The following MRPL48 variants were observed in gnomAD, a reference collection of about 807,000 sequenced individuals.
MRPL48 encodes the protein mitochondrial ribosomal protein L48.
MRPL48 carries 16 observed loss-of-function variants against 32.9 expected under a neutral mutation model. That is an observed-to-expected ratio of 0.49 (90% CI 0.33 to 0.74). The LOEUF (loss-of-function observed/expected upper bound fraction) is 0.74, where lower values mean the gene tolerates loss of function less well. MRPL48 is among the 30% of genes least tolerant of loss of function. The pLI is 0.02. For missense variants in MRPL48, 206 were observed against 245.3 expected, an observed-to-expected ratio of 0.84 and a Z score of 1.07; for synonymous variants, 94 against 89.2, an observed-to-expected ratio of 1.05 and a Z score of -0.31.
At position 73,829,954 on chromosome 11, in the gene MRPL48, G is replaced by T. The variant is rs947447055; in HGVS notation, c.201+4158G>T. On this transcript the variant is annotated intron_variant, in intron 4 of 7. Transcript: ENST00000310614. ...TCATTATATTTTTGTAGAGATGGGG[G>T]TCTCGCCATGTTACCCAGGCTGGTC... 6.6e-5 allele frequency among the ~76,000 whole-genome samples: 10 copies of T among 152,054 alleles called. No homozygotes were observed. The South Asian group carries it at 1.5e-3, about 22-fold the overall frequency.
intron 7 of MRPL48, 139 bp downstream of exon 7, chr11:73,863,400 C>A: frequency 1.4e-6 from 1 of 739,666 alleles, no homozygotes; most frequent in Non-Finnish European, 2.2e-6. Flanking sequence ...AAAAGTTGTA[C>A]ACTCTGATGA....
intron 5 of MRPL48, among the ~76,000 whole-genome samples, chr11:73,858,615 G>C (rs540063089): frequency 1.8e-4 from 27 of 152,256 alleles, no homozygotes; most frequent in Non-Finnish European, 3.1e-4. Flanking sequence ...ACCTATAGAG[G>C]GCCATGCCCC....
chr11:73,850,510 C>T (rs1948369427), intron 5 of MRPL48: 3 of 351,136 alleles, frequency 8.5e-6, no homozygotes, highest in South Asian at 6.9e-5. Flanking sequence ...GTTTATTAAA[C>T]ACCTTCCAGC....
intron 4 of MRPL48, among the ~76,000 whole-genome samples, chr11:73,826,113 C>T (rs1003725956): frequency 6.6e-6 from 1 of 151,532 alleles, no homozygotes; most frequent in Admixed American, 6.6e-5. Flanking sequence ...ATCTCCTGGG[C>T]TCAAGTGATC....
chr11:73,851,602 G>A (rs946206898), intron 5 of MRPL48, among the ~76,000 whole-genome samples: 1 of 152,074 alleles, frequency 6.6e-6, no homozygotes, highest in Non-Finnish European at 1.5e-5. Flanking sequence ...CTCTGGGCTC[G>A]AATGATCTAT....
At chr11:73,806,902 C>A (rs1015006873) in intron 2 of MRPL48, among the ~76,000 whole-genome samples, 1 of 151,682 alleles carries the variant, frequency 6.6e-6, no homozygotes, top group African/African-American at 2.4e-5. Context: ...GAGACAGAAT[C>A]TCTTTCACCC....
At chr11:73,829,655 C>G (rs1947958083) in intron 4 of MRPL48, among the ~76,000 whole-genome samples, 1 of 152,236 alleles carries the variant, frequency 6.6e-6, no homozygotes, top group Non-Finnish European at 1.5e-5. Flanking sequence ...TGGTGGGAAC[C>G]ACCATGCCCA....
At chr11:73,860,231 C>A in intron 6 of MRPL48, 1 of 438,638 alleles carries the variant, frequency 2.3e-6, no homozygotes, top group Non-Finnish European at 4.2e-6. Flanking sequence ...CTGATAACCC[C>A]CAGATGTATA....
intron 4 of MRPL48, among the ~76,000 whole-genome samples, chr11:73,835,759 A>G (rs529345033): frequency 3.5e-4 from 53 of 151,804 alleles, no homozygotes; most frequent in Non-Finnish European, 7.1e-4. Context: ...TTACCCAGAC[A>G]TGGTGGCAGA....
chr11:73,835,326 G>C (rs1268512664), intron 4 of MRPL48, among the ~76,000 whole-genome samples: 1 of 151,784 alleles, frequency 6.6e-6, no homozygotes, highest in African/African-American at 2.4e-5. Context: ...ATTTTTAGTA[G>C]AGATGGAGTT....
intron 5 of MRPL48, among the ~76,000 whole-genome samples, chr11:73,859,066 C>G (rs1948536862): frequency 6.6e-6 from 1 of 151,958 alleles, no homozygotes; most frequent in Admixed American, 6.6e-5. Context: ...ACTACAGATA[C>G]CCAGTGGGTA....
intron 3 of MRPL48, 36 bp from the exon 4 acceptor site, chr11:73,825,672 C>CA (rs1565097142): frequency 2.6e-6 from 4 of 1,523,692 alleles, no homozygotes; most frequent in Admixed American, 2.0e-5. Context: ...ATAGCAACAA[C>CA]AAAAAAACAG....
chr11:73,790,801 G>A (rs4558190), intron 1 of MRPL48, among the ~76,000 whole-genome samples: 77,049 of 150,942 alleles, frequency 0.51, 20,902 homozygotes, highest in African/African-American at 0.71. Flanking sequence ...TTCTGGGATT[G>A]CAGATATGAG....
At chr11:73,858,387 T>C (rs1308963195) in intron 5 of MRPL48, among the ~76,000 whole-genome samples, 1 of 152,224 alleles carries the variant, frequency 6.6e-6, no homozygotes, top group Non-Finnish European at 1.5e-5. Context: ...AGCAGAAAAA[T>C]GGAGACTCAG....
intron 4 of MRPL48, among the ~76,000 whole-genome samples, chr11:73,838,988 T>C (rs1322132942): frequency 6.6e-6 from 1 of 152,236 alleles, no homozygotes; most frequent in East Asian, 1.9e-4. Context: ...ACTCATTGTA[T>C]GTTTTCTCTT....
intron 5 of MRPL48, among the ~76,000 whole-genome samples, chr11:73,855,606 G>A (rs996303517): frequency 1.3e-5 from 2 of 152,106 alleles, no homozygotes; most frequent in Non-Finnish European, 2.9e-5. Context: ...TCCTGCCTCA[G>A]CCTCCCGAGT....
At chr11:73,808,990 T>A (rs768706389) in intron 3 of MRPL48, among the ~76,000 whole-genome samples, 32 of 151,722 alleles carry the variant, frequency 2.1e-4, no homozygotes, top group South Asian at 6.2e-4. Context: ...AAAATTTTTT[T>A]AAAAATTAAC....
chr11:73,854,658 T>G (rs2135077115), intron 5 of MRPL48, among the ~76,000 whole-genome samples: 1 of 152,312 alleles, frequency 6.6e-6, no homozygotes, highest in South Asian at 2.1e-4. Flanking sequence ...TGGTCAGTGC[T>G]GCATGGTTGT....
intron 5 of MRPL48, chr11:73,851,082 A>G (rs920031945): frequency 1.2e-5 from 6 of 501,456 alleles, no homozygotes; most frequent in Non-Finnish European, 2.4e-5. Context: ...CCTACAAAGG[A>G]AGCTGTTAGA....
Sources: gnomAD v4.1 joint callset for allele counts (sites outside exome capture counted in the v4.1 genomes callset) on GRCh38, gnomAD v4.1.1 for gene constraint, MANE v1.5 for transcripts, NCBI Gene and HGNC (gene_info 2026-07-23, HGNC 2026-07-21) for gene names.